TLK2: variants seen among roughly 807,000 people sequenced by gnomAD.
TLK2 encodes the protein tousled like kinase 2, also known as serine/threonine-protein kinase tousled-like 2.
Under a neutral mutation model 117.3 loss-of-function variants are expected in TLK2, and 6 were observed. That is an observed-to-expected ratio of 0.05 (90% CI 0.03 to 0.10). The LOEUF is 0.10. Ranked by LOEUF, TLK2 falls within the 10% of genes least tolerant of loss-of-function variation. The probability of loss-of-function intolerance (pLI) is 1.00; values close to 1 mark genes in which losing one functional copy is unlikely to be tolerated. For missense variants in TLK2, 299 were observed against 901.2 expected, an observed-to-expected ratio of 0.33 and a Z score of 8.56; for synonymous variants, 257 against 316.7, an observed-to-expected ratio of 0.81 and a Z score of 2.00.
intron 16 of TLK2, among the ~76,000 whole-genome samples, chr17:62,589,788 T>C (rs573107266): frequency 1.3e-5 from 2 of 152,216 alleles, no homozygotes; most frequent in South Asian, 4.1e-4. Context: ...GTTTAGTCCC[T>C]AGATTTTTAA....
At chr17:62,522,695 A>T (rs1567844867) in intron 4 of TLK2, among the ~76,000 whole-genome samples, 1 of 152,180 alleles carries the variant, frequency 6.6e-6, no homozygotes, top group Non-Finnish European at 1.5e-5. Context: ...GAATATTGGA[A>T]CCCATTGGGA....
chr17:62,549,596 C>T (rs960841935), intron 7 of TLK2: 7 of 151,420 alleles, frequency 4.6e-5, no homozygotes, highest in African/African-American at 1.7e-4. Context: ...TTGCTGCATC[C>T]TAGAGTAGAG....
At chr17:62,478,794 A>G (rs1346852983), upstream of TLK2, among the ~76,000 whole-genome samples, 2 of 140,514 alleles carry the variant, frequency 1.4e-5, no homozygotes, top group Non-Finnish European at 3.1e-5. Flanking sequence ...GCGAGGAAAC[A>G]CGCGGTTTCA....
intron 5 of TLK2, 102 bp downstream of exon 5, chr17:62,523,279 T>C: frequency 1.4e-6 from 2 of 1,463,280 alleles, no homozygotes; most frequent in Non-Finnish European, 1.8e-6. Flanking sequence ...CATTTGAGGC[T>C]TTAGAAAGTA....
upstream of TLK2, among the ~76,000 whole-genome samples, chr17:62,475,341 CAAT>C (rs931855951): frequency 2.8e-4 from 42 of 152,142 alleles, no homozygotes; most frequent in Non-Finnish European, 4.9e-4. Context: ...TCAAGAATAA[CAAT>C]AATAATAATT....
At chr17:62,588,332 A>C (rs1325809327) in intron 16 of TLK2, among the ~76,000 whole-genome samples, 9 of 152,148 alleles carry the variant, frequency 5.9e-5, no homozygotes, top group Non-Finnish European at 1.3e-4. Context: ...TGAGGAGTGG[A>C]AGCCGGGCCT....
At chr17:62,601,904 T>C in intron 18 of TLK2, 138 bp from the exon 19 acceptor site, 4 of 706,012 alleles carry the variant, frequency 5.7e-6, no homozygotes, top group South Asian at 2.1e-5. Flanking sequence ...AGAGTCCAGA[T>C]TGCTTGATTC....
chr17:62,597,516 G>A (rs2082566857), intron 17 of TLK2, among the ~76,000 whole-genome samples: 1 of 152,198 alleles, frequency 6.6e-6, no homozygotes, highest in Non-Finnish European at 1.5e-5. Context: ...GTTCAAGAGA[G>A]TTTCTGCTCA....
chr17:62,611,200 A>T (rs1019624528), intron 21 of TLK2, among the ~76,000 whole-genome samples: 2 of 152,226 alleles, frequency 1.3e-5, no homozygotes, highest in Non-Finnish European at 2.9e-5. Flanking sequence ...TTTAACTCCA[A>T]TTCCTTGTCT....
intron 6 of TLK2, among the ~76,000 whole-genome samples, chr17:62,531,087 C>T (rs1338454997): frequency 2.6e-5 from 4 of 152,058 alleles, no homozygotes; most frequent in Admixed American, 6.6e-5. Context: ...ATTTCTCTTG[C>T]TTGTGATTTC....
At chr17:62,539,686 C>T (rs577063874) in intron 7 of TLK2, among the ~76,000 whole-genome samples, 22 of 152,086 alleles carry the variant, frequency 1.4e-4, no homozygotes, top group Middle Eastern at 3.4e-3. Flanking sequence ...CCATGTTGGC[C>T]AGGCAACATG....
At chr17:62,565,230 T>C in intron 11 of TLK2, 93 bp downstream of exon 11, 1 of 1,465,774 alleles carries the variant, frequency 6.8e-7, no homozygotes, top group South Asian at 1.4e-5. Flanking sequence ...ATCCTACTAT[T>C]GGTAGTCATC....
rs869092720 is a variant in TLK2, at chr17:62,471,888, C to CTTTTTTTTTTTTTTTTTTTT, written c.-205+820_-205+839dup. 1.6e-4 allele frequency among the ~76,000 whole-genome samples: 6 copies of CTTTTTTTTTTTTTTTTTTTT among 37,778 alleles called. 2 individuals carry two copies. Among genetic ancestry groups the CTTTTTTTTTTTTTTTTTTTT allele is most frequent in the African/African-American group, 2.2e-4 (2 of 9,122 alleles). 24.8% of individuals were successfully genotyped at this position (37,778 alleles called of 152,430 possible). A position where few individuals can be genotyped will look rare whatever the true frequency, so the allele number is the denominator to read the frequency against. On this transcript the variant is annotated intron_variant, in intron 1 of 4. Transcript: ENST00000579450. ...GGCATGGAAGATTAGGTAGTATAGTCTTTTTTTTTTTTTTTTTTTTTTTTT... is the reference window on the plus strand; with the variant it reads ...GGCATGGAAGATTAGGTAGTATAGTCTTTTTTTTTTTTTTTTTTTTTTTTTTTTTTTTTTTTTTTTTTTTT...
chr17:62,527,708 T>G (rs1185228701), intron 6 of TLK2, among the ~76,000 whole-genome samples: 1 of 152,126 alleles, frequency 6.6e-6, no homozygotes, highest in East Asian at 1.9e-4. Flanking sequence ...ATTTTAATTT[T>G]GTACTATATA....
intron 16 of TLK2, among the ~76,000 whole-genome samples, chr17:62,592,824 G>A (rs2082177039): frequency 6.6e-6 from 1 of 152,168 alleles, no homozygotes; most frequent in Non-Finnish European, 1.5e-5. Context: ...CCCTGAGCTT[G>A]CTTTCCTGCA....
chr17:62,489,870 G>A (rs1026164482), intron 2 of TLK2, among the ~76,000 whole-genome samples: 4 of 151,992 alleles, frequency 2.6e-5, no homozygotes, highest in African/African-American at 7.2e-5. Context: ...GAGTCAACTT[G>A]CCCAGGCTGG....
At chr17:62,521,927 TA>T (rs2076075337) in intron 3 of TLK2, among the ~76,000 whole-genome samples, 1 of 152,186 alleles carries the variant, frequency 6.6e-6, no homozygotes, top group East Asian at 1.9e-4. Context: ...TGTGCTCTAT[TA>T]AATATCTTAT....
At chr17:62,555,775 C>G (rs1035317088) in intron 9 of TLK2, among the ~76,000 whole-genome samples, 2 of 150,666 alleles carry the variant, frequency 1.3e-5, no homozygotes, top group African/African-American at 2.4e-5. Context: ...CCGCGCCCGG[C>G]TATTATTATT....
intron 2 of TLK2, among the ~76,000 whole-genome samples, chr17:62,501,450 AGGCC>A (rs2074187710): frequency 6.6e-6 from 1 of 151,738 alleles, no homozygotes; most frequent in Non-Finnish European, 1.5e-5. Flanking sequence ...ATAGAAAACA[AGGCC>A]GGGTGAGGTG....
Sources: allele counts gnomAD v4.1 joint callset (sites outside exome capture counted in the v4.1 genomes callset), GRCh38; gene constraint gnomAD v4.1.1; transcripts MANE v1.5; gene names NCBI Gene and HGNC (gene_info 2026-07-23, HGNC 2026-07-21).